The following PDZD2 variants were observed in gnomAD, a reference collection of about 807,000 sequenced individuals.
PDZD2 encodes PDZ domain-containing protein 2.
PDZD2 carries 90 observed loss-of-function variants against 220.7 expected under a neutral mutation model. The observed-to-expected ratio is 0.41, with a 90% confidence interval of 0.34 to 0.49. The LOEUF (loss-of-function observed/expected upper bound fraction) is 0.49, where lower values mean the gene tolerates loss of function less well. PDZD2 is among the 20% of genes least tolerant of loss of function. The pLI is 0.28. For missense variants in PDZD2, 3,174 were observed against 3,608.5 expected, an observed-to-expected ratio of 0.88 and a Z score of 3.08; for synonymous variants, 1,375 against 1,450.5, an observed-to-expected ratio of 0.95 and a Z score of 1.18.
intron 2 of PDZD2, among the ~76,000 whole-genome samples, chr5:31,842,411 G>A (rs1349625618): frequency 6.6e-6 from 1 of 152,146 alleles, no homozygotes; most frequent in Non-Finnish European, 1.5e-5. Flanking sequence ...CTGGCTCCAC[G>A]GCTCTGTTCT....
intron 6 of PDZD2, among the ~76,000 whole-genome samples, chr5:32,023,041 C>T (rs981522111): frequency 1.3e-5 from 2 of 152,108 alleles, no homozygotes; most frequent in Admixed American, 1.3e-4. Context: ...GGCGGGAAGC[C>T]GTGTGAGTGA....
chr5:31,905,355 C>T (rs1183248335), intron 2 of PDZD2, among the ~76,000 whole-genome samples: 1 of 152,214 alleles, frequency 6.6e-6, no homozygotes, highest in Non-Finnish European at 1.5e-5. Context: ...AACCTTTCTA[C>T]TGCCTTGCAG....
At chr5:31,751,302 A>C (rs1750957980) in intron 1 of PDZD2, among the ~76,000 whole-genome samples, 1 of 151,606 alleles carries the variant, frequency 6.6e-6, no homozygotes, top group Non-Finnish European at 1.5e-5. Flanking sequence ...TGTGGAGAAT[A>C]GGCGATGGGG....
At chr5:31,832,898 G>GTAC (rs202119042) in intron 2 of PDZD2, among the ~76,000 whole-genome samples, 18,217 of 152,202 alleles carry the variant, frequency 0.12, 1,191 homozygotes, top group Non-Finnish European at 0.15. Flanking sequence ...AACCTAGTGT[G>GTAC]TGAGGAAAAG....
At chr5:31,990,294 C>T (rs534111761) in intron 3 of PDZD2, among the ~76,000 whole-genome samples, 1 of 152,296 alleles carries the variant, frequency 6.6e-6, no homozygotes, top group South Asian at 2.1e-4. Context: ...TAAATCCCTT[C>T]GTTGGCTTCA....
chr5:31,901,597 T>A (rs926937978), intron 2 of PDZD2, among the ~76,000 whole-genome samples: 8 of 152,094 alleles, frequency 5.3e-5, no homozygotes, highest in African/African-American at 1.9e-4. Flanking sequence ...GAGGTTTTTT[T>A]AAAAAACGGT....
Position 32,022,185 on chromosome 5 carries a change from G to GTTTTTTTTTTTT in PDZD2, c.1407+11710_1407+11711insTTTTTTTTTTTT, listed in dbSNP as rs145876120. 2.2e-3 allele frequency among the ~76,000 whole-genome samples: 302 copies of GTTTTTTTTTTTT among 135,402 alleles called. 1 individual carries two copies. Among genetic ancestry groups the GTTTTTTTTTTTT allele is most frequent in the Middle Eastern group, 0.011 (3 of 264 alleles). The allele number at this position is 135,402 out of a possible 152,430, so 88.8% of individuals were successfully genotyped here. A position where few individuals can be genotyped will look rare whatever the true frequency, so the allele number is the denominator to read the frequency against. On this transcript the variant is annotated intron_variant, in intron 6 of 24. Coordinates refer to ENST00000438447, the MANE Select transcript of PDZD2 (RefSeq NM_178140.4). ...TCTTCTTTTTTCGTTTTGTTTTTTT[G>GTTTTTTTTTTTT]TTTTTTTGTTTTTTGTTTTTTTTTG...
At chr5:31,764,911 T>C (rs909344788) in intron 1 of PDZD2, among the ~76,000 whole-genome samples, 15 of 152,084 alleles carry the variant, frequency 9.9e-5, no homozygotes, top group Non-Finnish European at 5.9e-5. Flanking sequence ...ACCCTGTATC[T>C]ACTAAAAATA....
intron 6 of PDZD2, among the ~76,000 whole-genome samples, chr5:32,012,540 C>T (rs1013259825): frequency 1.3e-5 from 2 of 151,920 alleles, no homozygotes; most frequent in South Asian, 2.1e-4. Flanking sequence ...CACGCCACCG[C>T]GCTTGGCTAA....
chr5:32,083,498 T>A lies in PDZD2; in HGVS notation c.3683-3633T>A, dbSNP rs2112446513. 6.6e-6 allele frequency: 1 copy of A among 152,268 alleles called. No homozygotes were observed. Among genetic ancestry groups the A allele is most frequent in the East Asian group, 1.9e-4 (1 of 5,180 alleles). 9.4% of individuals were successfully genotyped at this position (152,268 alleles called of 1,614,324 possible). A position where few individuals can be genotyped will look rare whatever the true frequency, so the allele number is the denominator to read the frequency against. The stretch of plus-strand genomic sequence containing the variant: ...CTGTAACGAGTCAACCTTCCTCCCA[T>A]GATTGGGCATTTCGAACGTTTCCAG... On this transcript the variant is annotated intron_variant, in intron 19 of 24. Coordinates refer to ENST00000438447, the MANE Select transcript of PDZD2 (RefSeq NM_178140.4). The surrounding 1 kb of genome is among the most constrained non-coding windows in gnomAD (Gnocchi z 4.1).
intron 5 of PDZD2, among the ~76,000 whole-genome samples, chr5:32,006,907 C>CTTTTTTTT (rs1173189592): frequency 2.1e-5 from 1 of 47,844 alleles, no homozygotes; most frequent in Non-Finnish European, 3.3e-5. Context: ...CCATGCTGGT[C>CTTTTTTTT]TTTTTTTTTT....
In PDZD2 at chr5:32,037,233, G is replaced by A. The variant is rs756218859; in HGVS notation, c.1410G>A (p.Met470Ile). 5 of 1,608,552 alleles carry A rather than the reference G, an allele frequency of 3.1e-6. No homozygotes were observed. Among genetic ancestry groups the A allele is most frequent in the Middle Eastern group, 1.7e-4 (1 of 6,052 alleles). Residue 470 changes from methionine (M) to isoleucine (I), a missense_variant and splice_region_variant, in exon 7 of 25, where the codon ATG (methionine) becomes ATA (isoleucine). Met to Ile is a conservative substitution (Grantham distance 10). Coordinates refer to ENST00000438447, the MANE Select transcript of PDZD2 (RefSeq NM_178140.4). The part of the protein sequence containing the change: ...EGTSSSVQRA[M>I]PGTDEPQDVC... ...GCTCTGTGCTTTCTGCATTTCAGAT[G>A]CCTGGGACAGATGAACCCCAAGATG...
intron 1 of PDZD2, among the ~76,000 whole-genome samples, chr5:31,733,177 T>A (rs757083481): frequency 1.8e-4 from 28 of 152,180 alleles, no homozygotes; most frequent in Non-Finnish European, 3.1e-4. Context: ...TCGGGGTGGG[T>A]TACCTTCCAG....
chr5:32,090,304 A>T lies in PDZD2; in HGVS notation c.6856A>T (p.Thr2286Ser). Residue 2286 changes from threonine (T) to serine (S), a missense_variant, in exon 20 of 25, where the codon ACA becomes TCA. By Grantham distance (58) the Thr-to-Ser change is moderately conservative. Coordinates refer to ENST00000438447, the MANE Select transcript of PDZD2 (RefSeq NM_178140.4). This position sits in a 1 kb window ranked among gnomAD's most constrained non-coding sequence, Gnocchi z 4.3. ...GIYSVKPLLD[T>S]SRNLPATDEG... is the part of the protein sequence containing the mutation. ...ATATAGTGTAAAGCCGCTGCTGGAC[A>T]CATCGAGGAATCTTCCAGCCACAGA... 1 of 1,614,182 alleles carries T rather than the reference A, an allele frequency of 6.2e-7. No individual in the cohort carries two copies. The highest frequency in any genetic ancestry group is 1.3e-5 in the African/African-American group (1 of 75,068).
intron 1 of PDZD2, among the ~76,000 whole-genome samples, chr5:31,664,459 C>CAG (rs141034270): frequency 0.13 from 18,886 of 150,804 alleles, 1,369 homozygotes; most frequent in South Asian, 0.18. Flanking sequence ...CATACACACA[C>CAG]ACACACACAC....
intron 2 of PDZD2, among the ~76,000 whole-genome samples, chr5:31,879,409 A>T (rs1252210247): frequency 6.9e-6 from 1 of 144,984 alleles, no homozygotes; most frequent in East Asian, 2.0e-4. Flanking sequence ...AAAAAAAAAA[A>T]TGGACGTTTC....
At chr5:31,895,805 A>G (rs937127462) in intron 2 of PDZD2, among the ~76,000 whole-genome samples, 1 of 151,790 alleles carries the variant, frequency 6.6e-6, no homozygotes, top group Non-Finnish European at 1.5e-5. Flanking sequence ...AGACAGTGTT[A>G]TTATGTTGAT....
chr5:31,948,378 C>T (rs1032924612), intron 2 of PDZD2, among the ~76,000 whole-genome samples: 8 of 152,216 alleles, frequency 5.3e-5, no homozygotes, highest in South Asian at 2.1e-4. Context: ...GCAGGCTTTT[C>T]GACCTTGTTT....
chr5:31,943,602 C>T (rs1331715801), intron 2 of PDZD2, among the ~76,000 whole-genome samples: 1 of 152,264 alleles, frequency 6.6e-6, no homozygotes. Flanking sequence ...ATCCAAAGGA[C>T]GTATTAAACA....
Sources: gnomAD v4.1 joint callset for allele counts (sites outside exome capture counted in the v4.1 genomes callset) on GRCh38, gnomAD v4.1.1 for gene constraint, Gnocchi (gnomAD v3.1) non-coding constraint, MANE v1.5 for transcripts, NCBI Gene and HGNC (gene_info 2026-07-23, HGNC 2026-07-21) for gene names.